Variants in LRRC27 observed in about 807,000 individuals in gnomAD.
The protein encoded by LRRC27 is leucine-rich repeat-containing protein 27.
LRRC27 carries 57 observed loss-of-function variants against 55.0 expected under a neutral mutation model. The ratio of observed to expected loss-of-function variants is 1.04; its 90% CI spans 0.84 to 1.29. LRRC27 has a LOEUF of 1.29. Ranked by LOEUF, LRRC27 falls within the 50% of genes most tolerant of loss-of-function variation. The pLI, the probability that LRRC27 is intolerant of heterozygous loss-of-function variation, is 0.00. For missense variants in LRRC27, 721 were observed against 651.5 expected (o/e 1.11, Z -1.16); for synonymous variants, 278 against 251.9 (o/e 1.10, Z -0.98).
chr10:132,363,783 CG>C (rs1191231115), intron 9 of LRRC27, among the ~76,000 whole-genome samples: 1 of 152,064 alleles, frequency 6.6e-6, no homozygotes, highest in East Asian at 1.9e-4. Context: ...CCCTGGATCC[CG>C]GCTGCGATGT....
rs942461823 is a variant in LRRC27 at position 132,351,592 on chromosome 10, ACT to A, written c.927-12_927-11del. 5.0e-6 allele frequency: 8 copies of A among 1,608,482 alleles called. No individual in the cohort carries two copies. Among genetic ancestry groups the A allele is most frequent in the Middle Eastern group, 1.7e-4 (1 of 6,040 alleles). On this transcript the variant is annotated splice_polypyrimidine_tract_variant and intron_variant, in intron 6 of 10. Coordinates refer to ENST00000368614, the MANE Select transcript of LRRC27 (RefSeq NM_030626.3). ...TTTTGTTAAACATTCAGCTAAAAAC[ACT>A]CTGTAATTTTAGAAGGAAGACAGCC...
At position 132,374,937 on chromosome 10, in the gene LRRC27, G is replaced by A. The variant is rs1045169730; in HGVS notation, c.1417-129G>A. The A allele has an allele frequency of 4.3e-5, 44 of 1,022,352 alleles. No individual in the cohort carries two copies. The highest frequency in any genetic ancestry group is 3.3e-4 in the Middle Eastern group (1 of 3,024). 63.3% of individuals were successfully genotyped at this position (1,022,352 alleles called of 1,614,324 possible). Reference sequence around the variant, plus strand: ...CCGTGATGCGGCTTGCAGGGGCCCCGGGGCAGCGGGGCTGGCTCTGCTGAC... The same window carrying A: ...CCGTGATGCGGCTTGCAGGGGCCCCAGGGCAGCGGGGCTGGCTCTGCTGAC... On this transcript the variant is annotated intron_variant, in intron 10 of 10. Coordinates refer to ENST00000368614, the MANE Select transcript of LRRC27 (RefSeq NM_030626.3). The surrounding 1 kb of genome is among the most constrained non-coding windows in gnomAD (Gnocchi z 4.4).
intron 2 of LRRC27, chr10:132,337,038 C>CT: frequency 7.9e-7 from 1 of 1,260,148 alleles, no homozygotes; most frequent in Non-Finnish European, 1.0e-6. Flanking sequence ...AAATGCTGCT[C>CT]GCTGAGGCTT....
intron 7 of LRRC27, 119 bp downstream of exon 7, chr10:132,351,872 G>T: frequency 2.5e-6 from 3 of 1,187,302 alleles, no homozygotes; most frequent in Non-Finnish European, 3.5e-6. Flanking sequence ...CCTCACTGAT[G>T]CTGATCCAGG....
At chr10:132,331,834 G>T, upstream of LRRC27, 1 of 1,513,504 alleles carries the variant, frequency 6.6e-7, no homozygotes, top group Non-Finnish European at 8.9e-7. Context: ...AAGGCCGCGG[G>T]CGCGGAAAAA....
At chr10:132,361,921 G>A (rs772366247) in intron 9 of LRRC27, among the ~76,000 whole-genome samples, 5 of 152,010 alleles carry the variant, frequency 3.3e-5, no homozygotes, top group Non-Finnish European at 5.9e-5. Context: ...CTGCCCTGCC[G>A]TGCCCTCCCC....
In LRRC27 at chr10:132,351,672, G is replaced by T; in HGVS notation, c.992G>T (p.Arg331Leu). Residue 331 changes from arginine to leucine, a missense_variant, in exon 7 of 11, where the codon CGA (arginine) becomes CTA (leucine). Coordinates refer to ENST00000368614, the MANE Select transcript of LRRC27 (RefSeq NM_030626.3). ...DLLSPYQMAI[R>L]AKRLEESRAA... The stretch of plus-strand genomic sequence containing the variant: ...TTGTCACCGTACCAAATGGCGATCC[G>T]AGCAAAAAGACTGGAAGAGAGCCGA... 1 of 1,614,014 alleles carries T rather than the reference G, an allele frequency of 6.2e-7. No homozygotes were observed. Among genetic ancestry groups the T allele is most frequent in the Non-Finnish European group, 8.5e-7 (1 of 1,180,010 alleles).
chr10:132,367,482 G>C (rs575233456), intron 10 of LRRC27, among the ~76,000 whole-genome samples: 2 of 152,208 alleles, frequency 1.3e-5, no homozygotes, highest in East Asian at 3.8e-4. Context: ...GCTCATGAAT[G>C]TAGACGCAAA....
intron 7 of LRRC27, chr10:132,353,498 G>A (rs2068166623): frequency 1.2e-6 from 1 of 821,332 alleles, no homozygotes; most frequent in Non-Finnish European, 1.5e-6. Flanking sequence ...AATGTCCAGA[G>A]AGACATTGTA....
chr10:132,353,372 A>G, intron 7 of LRRC27: 4 of 1,060,922 alleles, frequency 3.8e-6, no homozygotes, highest in Non-Finnish European at 4.6e-6. Flanking sequence ...TCCCTCCCCA[A>G]CATGAATAAA....
In LRRC27 at chr10:132,377,170, G is replaced by A. The variant is rs1383316657; in HGVS notation, c.*1928G>A. 1 of 152,122 alleles carries A rather than the reference G, an allele frequency of 6.6e-6. No homozygotes were observed. Among genetic ancestry groups the A allele is most frequent in the African/African-American group, 2.4e-5 (1 of 41,406 alleles). The allele number at this position is 152,122 out of a possible 1,614,324, so 9.4% of individuals were successfully genotyped here. A position where few individuals can be genotyped will look rare whatever the true frequency, so the allele number is the denominator to read the frequency against. ...CTGGATTTAAAGCGCACCTTATAGA[G>A]ACATCATATACTCGGGACTCCTTTT... is the stretch of plus-strand genomic sequence containing the variant. On this transcript the variant is annotated 3_prime_UTR_variant, in exon 11 of 11. Transcript: ENST00000368614.
chr10:132,330,153 G>A (rs538149482), upstream of LRRC27: 78 of 375,832 alleles, frequency 2.1e-4, no homozygotes, highest in African/African-American at 1.5e-3. Context: ...AATCTGGCTG[G>A]GCAAAAACTG....
Position 132,348,029 on chromosome 10 carries a change from C to G in LRRC27, c.599C>G (p.Pro200Arg), listed in dbSNP as rs1276155988. The G allele has an allele frequency of 6.2e-7, 1 of 1,613,240 alleles. No individual in the cohort carries two copies. The highest frequency in any genetic ancestry group is 8.5e-7 in the Non-Finnish European group (1 of 1,179,830). Residue 200 changes from proline to arginine, a missense_variant, in exon 6 of 11, where the codon CCA becomes CGA. Coordinates refer to ENST00000368614, the MANE Select transcript of LRRC27 (RefSeq NM_030626.3). This position sits in a 1 kb window ranked among gnomAD's most constrained non-coding sequence, Gnocchi z 4.2. ...REMTLRDLPS[P>R]GLELSGDHAS... ...ATGACCCTCCGTGACCTCCCGAGCC[C>G]AGGACTGGAGTTGTCTGGAGACCAC...
At chr10:132,330,604 T>C (rs1373201668), upstream of LRRC27, 1 of 691,664 alleles carries the variant, frequency 1.4e-6, no homozygotes, top group African/African-American at 1.8e-5. Context: ...AAATCCTAGG[T>C]TCAAGCGATC....
chr10:132,357,433 G>A (rs1003431728), intron 8 of LRRC27, among the ~76,000 whole-genome samples: 1 of 152,256 alleles, frequency 6.6e-6, no homozygotes, highest in Non-Finnish European at 1.5e-5. Flanking sequence ...TCAACAGATG[G>A]AGATGGCTAA....
At chr10:132,331,874 CAGGCGCA>C, upstream of LRRC27, 1 of 1,239,160 alleles carries the variant, frequency 8.1e-7, no homozygotes, top group Non-Finnish European at 1.1e-6. Flanking sequence ...CGTGCGTGCG[CAGGCGCA>C]CCACCCCCTG....
intron 7 of LRRC27, among the ~76,000 whole-genome samples, chr10:132,352,058 G>A (rs1383216006): frequency 9.7e-6 from 1 of 103,160 alleles, no homozygotes. Context: ...TGAGGCCTCC[G>A]TGTGGGGCAG....
At chr10:132,353,112 C>A in intron 7 of LRRC27, 1 of 1,477,168 alleles carries the variant, frequency 6.8e-7, no homozygotes, top group Non-Finnish European at 9.0e-7. Flanking sequence ...CCACAGCACC[C>A]CCGTGCCCCT....
intron 10 of LRRC27, 91 bp downstream of exon 10, chr10:132,365,641 A>G: frequency 6.8e-7 from 1 of 1,475,778 alleles, no homozygotes. Context: ...TTGTTCTGTC[A>G]CCCAGGCTGG....
Sources: allele counts gnomAD v4.1 joint callset (sites outside exome capture counted in the v4.1 genomes callset), GRCh38; gene constraint gnomAD v4.1.1; non-coding constraint Gnocchi (gnomAD v3.1); transcripts MANE v1.5; gene names NCBI Gene and HGNC (gene_info 2026-07-23, HGNC 2026-07-21).